SNX24: variants seen among roughly 807,000 people sequenced by gnomAD.
The protein encoded by SNX24 is sorting nexin 24, also known as sorting nexin-24.
SNX24 carries 22 observed loss-of-function variants against 28.7 expected under a neutral mutation model. The ratio of observed to expected loss-of-function variants is 0.77; its 90% confidence interval spans 0.55 to 1.10. The LOEUF (loss-of-function observed/expected upper bound fraction) is 1.10. SNX24 is among the 50% of genes least tolerant of loss of function. The pLI is 0.00. For missense variants in SNX24, 221 were observed against 201.1 expected, an observed-to-expected ratio of 1.10 and a Z score of -0.60; for synonymous variants, 69 against 71.5, an observed-to-expected ratio of 0.96 and a Z score of 0.18.
chr5:122,872,863 G>T (rs1314662037), intron 1 of SNX24, among the ~76,000 whole-genome samples: 1 of 152,034 alleles, frequency 6.6e-6, no homozygotes, highest in African/African-American at 2.4e-5. Context: ...TCACTGTTCA[G>T]TGCTTTGCTC....
intron 5 of SNX24, chr5:123,023,504 C>G (rs1762794231): frequency 6.5e-6 from 1 of 154,412 alleles, no homozygotes; most frequent in South Asian, 2.0e-4. Context: ...TGTTTGGATA[C>G]AAAATAATAA....
intron 3 of SNX24, among the ~76,000 whole-genome samples, chr5:122,990,432 A>G (rs1267787049): frequency 6.6e-6 from 1 of 152,246 alleles, no homozygotes; most frequent in Non-Finnish European, 1.5e-5. Context: ...GAAAGTCCTC[A>G]TCTATCTAGA....
chr5:122,867,809 G>A (rs1755787699), intron 1 of SNX24, among the ~76,000 whole-genome samples: 1 of 152,146 alleles, frequency 6.6e-6, no homozygotes, highest in Admixed American at 6.5e-5. Context: ...GTTTAGAGAG[G>A]TCTTCCATGT....
At chr5:122,953,097 T>C (rs1255153976) in intron 3 of SNX24, among the ~76,000 whole-genome samples, 1 of 140,958 alleles carries the variant, frequency 7.1e-6, no homozygotes, top group East Asian at 2.1e-4. Flanking sequence ...TTCCCTTTCC[T>C]TTCCTTTCCT....
At chr5:123,001,809 C>T in intron 5 of SNX24, 131 bp from the exon 6 acceptor site, 1 of 739,284 alleles carries the variant, frequency 1.4e-6, no homozygotes, top group Non-Finnish European at 2.4e-6. Context: ...TGCTATTATT[C>T]ACCCACACTG....
intron 3 of SNX24, among the ~76,000 whole-genome samples, chr5:122,953,341 A>G (rs30075): frequency 0.77 from 116,978 of 152,080 alleles, 45,879 homozygotes; most frequent in East Asian, 0.99. Context: ...CTGACCTCAA[A>G]TGATCCTCCC....
In SNX24 at chr5:122,848,536, C is replaced by T. The variant is rs1362098106; in HGVS notation, c.60+2843C>T. 3.5e-5 allele frequency among the ~76,000 whole-genome samples: 4 copies of T among 115,924 alleles called. No homozygotes were observed. In the East Asian group the frequency reaches 7.8e-4, roughly 23 times the overall value. The allele number at this position is 115,924 out of a possible 152,430, so 76.1% of individuals were successfully genotyped here. ...TGGCCAACATGGTGAAATCCCATCT[C>T]TACTTAAAAAAAAAAAAAAAAAATT... is the stretch of plus-strand genomic sequence containing the variant. On this transcript the variant is annotated intron_variant, in intron 1 of 6. Transcript: ENST00000261369.
At chr5:122,916,493 A>G (rs1434181598) in intron 1 of SNX24, among the ~76,000 whole-genome samples, 1 of 87,974 alleles carries the variant, frequency 1.1e-5, no homozygotes, top group East Asian at 9.2e-4. Flanking sequence ...TCGTGTTTAT[A>G]ATATTTTGTG....
intron 5 of SNX24, chr5:123,023,297 A>G (rs1762789164): frequency 6.6e-6 from 1 of 152,190 alleles, no homozygotes; most frequent in Admixed American, 6.5e-5. Flanking sequence ...AATCTTTCTA[A>G]TCTGTTCACT....
At chr5:122,954,862 T>C (rs1389771207) in intron 3 of SNX24, among the ~76,000 whole-genome samples, 1 of 152,206 alleles carries the variant, frequency 6.6e-6, no homozygotes, top group African/African-American at 2.4e-5. Context: ...ATTTAAGTTT[T>C]TCCCCTTTTG....
intron 1 of SNX24, among the ~76,000 whole-genome samples, chr5:122,895,942 A>C (rs929180343): frequency 2.6e-5 from 4 of 152,226 alleles, no homozygotes; most frequent in African/African-American, 9.6e-5. Flanking sequence ...TGAGGCCAGG[A>C]GTTCAAGACC....
chr5:123,012,834 C>G (rs1430885018), downstream of SNX24, among the ~76,000 whole-genome samples: 3 of 152,128 alleles, frequency 2.0e-5, no homozygotes, highest in Non-Finnish European at 4.4e-5. Flanking sequence ...AACAGTAGTT[C>G]TAAACCAGAG....
chr5:122,862,727 T>C (rs1755529468), intron 1 of SNX24, among the ~76,000 whole-genome samples: 1 of 151,042 alleles, frequency 6.6e-6, no homozygotes, highest in Non-Finnish European at 1.5e-5. Flanking sequence ...AAGAGATTGA[T>C]AAAAACCAGT....
intron 3 of SNX24, among the ~76,000 whole-genome samples, chr5:122,980,429 A>G (rs1045703467): frequency 7.2e-5 from 11 of 152,274 alleles, no homozygotes; most frequent in South Asian, 2.1e-4. Context: ...CTTGATCCCA[A>G]GTAAATGTTA....
chr5:122,906,020 A>G lies in SNX24; in HGVS notation c.61-30714A>G, dbSNP rs545157482. On this transcript the variant is annotated intron_variant, in intron 1 of 6. Coordinates refer to ENST00000261369, the MANE Select transcript of SNX24 (RefSeq NM_014035.4). ...AGGTGGAGGATGTGTATATCAACAA[A>G]TACAAATAAAACAACCACAAGCACT... Among the ~76,000 whole-genome samples, 4 of 152,356 alleles carry G rather than the reference A, an allele frequency of 2.6e-5. No individual in the cohort carries two copies. The East Asian group carries it at 7.7e-4, about 29-fold the overall frequency.
At chr5:122,892,882 C>G (rs1237722745) in intron 1 of SNX24, among the ~76,000 whole-genome samples, 4 of 152,028 alleles carry the variant, frequency 2.6e-5, no homozygotes, top group Non-Finnish European at 1.5e-5. Context: ...TATTGTGCCT[C>G]AGTCTCCCTA....
At chr5:122,909,584 C>T (rs1391626952) in intron 1 of SNX24, among the ~76,000 whole-genome samples, 1 of 151,726 alleles carries the variant, frequency 6.6e-6, no homozygotes, top group East Asian at 1.9e-4. Flanking sequence ...CTGCCTTAAC[C>T]TGGCCTGCCG....
intron 3 of SNX24, among the ~76,000 whole-genome samples, chr5:122,971,285 C>A (rs938827771): frequency 6.6e-6 from 1 of 152,160 alleles, no homozygotes; most frequent in African/African-American, 2.4e-5. Context: ...ATCTTGGTTG[C>A]GCTGGCAGAT....
At chr5:122,973,766 C>G (rs1761053114) in intron 3 of SNX24, among the ~76,000 whole-genome samples, 1 of 152,190 alleles carries the variant, frequency 6.6e-6, no homozygotes, top group African/African-American at 2.4e-5. Flanking sequence ...CGTTCAGTTT[C>G]TACAAAAGCC....
Sources: gnomAD v4.1 joint callset for allele counts (sites outside exome capture counted in the v4.1 genomes callset) on GRCh38, gnomAD v4.1.1 for gene constraint, MANE v1.5 for transcripts, NCBI Gene and HGNC (gene_info 2026-07-23, HGNC 2026-07-21) for gene names.